The following B3GALT9 variants were observed in gnomAD, a reference collection of about 807,000 sequenced individuals.
B3GALT9 encodes UDP-GlcNAc:betaGal beta-1,3-N-acetylglucosaminyltransferase 10 (putative).
chr9:120,794,302 T>C (rs574627103), intron 1 of B3GALT9, among the ~76,000 whole-genome samples: 8 of 152,044 alleles, frequency 5.3e-5, no homozygotes, highest in Admixed American at 3.3e-4. Flanking sequence ...ATGGCTGTCA[T>C]AGGATTTCAA....
rs118094221 is a variant in B3GALT9, at chr9:120,795,353, G to A, written c.-181-1070G>A. On this transcript the variant is annotated intron_variant, in intron 1 of 2. Coordinates refer to ENST00000689072, the MANE Select transcript of B3GALT9 (RefSeq NM_001386823.1). ...AAAGTCCAGATGGAGCTGCCCCAGA[G>A]ATAATATTGTTTGGACCTCTCATAA... Among the ~76,000 whole-genome samples, 25 of 152,308 alleles carry A rather than the reference G, an allele frequency of 1.6e-4. No individual in the cohort carries two copies. The East Asian group carries it at 4.8e-3, about 29-fold the overall frequency.
At position 120,796,458 on chromosome 9, in the gene B3GALT9, T is replaced by G. The variant is rs1386100516; in HGVS notation, c.-146T>G. The G allele has an allele frequency of 1.3e-5, 2 of 152,216 alleles. No individual in the cohort carries two copies. Among genetic ancestry groups the G allele is most frequent in the African/African-American group, 2.4e-5 (1 of 41,452 alleles). The allele number at this position is 152,216 out of a possible 1,614,324, so 9.4% of individuals were successfully genotyped here. The stretch of plus-strand genomic sequence containing the variant: ...TTCTAGGATAAAAGCTCAGGTTGAT[T>G]GGCAAGAAACCTTATCCTCAAAAGT... On this transcript the variant is annotated 5_prime_UTR_variant, in exon 2 of 3. It adds an upstream start codon to the 5' untranslated region. Coordinates refer to ENST00000689072, the MANE Select transcript of B3GALT9 (RefSeq NM_001386823.1).
chr9:120,799,948 T>C lies in B3GALT9; in HGVS notation c.*270T>C. 1 of 174,370 alleles carries C rather than the reference T, an allele frequency of 5.7e-6. No homozygotes were observed. Among genetic ancestry groups the C allele is most frequent in the Non-Finnish European group, 9.6e-6 (1 of 103,728 alleles). 10.8% of individuals were successfully genotyped at this position (174,370 alleles called of 1,614,324 possible). A position where few individuals can be genotyped will look rare whatever the true frequency, so the allele number is the denominator to read the frequency against. On this transcript the variant is annotated 3_prime_UTR_variant, in exon 3 of 3. Transcript: ENST00000689072. ...TTATGTTTCATTGTTTATTTAGTTTTCGTTTTTTTTTTTTCTTTTGAGACA... is the reference window on the plus strand; with the variant it reads ...TTATGTTTCATTGTTTATTTAGTTTCCGTTTTTTTTTTTTCTTTTGAGACA...
Position 120,799,281 on chromosome 9 carries a change from AC to A in B3GALT9, c.716del (p.Pro239GlnfsTer10). On this transcript the variant is annotated frameshift_variant, in exon 3 of 3. Transcript: ENST00000689072. LOFTEE classifies it high-confidence loss of function. ...VPLSEYPEKY[Y>X]PDYCSGEAFI... ...CTTAGTGAGTACCCAGAAAAATACTACCCAGATTACTGCAGTGGTGAGGCCT... is the reference window on the plus strand; with the variant it reads ...CTTAGTGAGTACCCAGAAAAATACTACCAGATTACTGCAGTGGTGAGGCCT... The A allele has an allele frequency of 2.5e-6, 1 of 399,458 alleles. No individual in the cohort carries two copies. The highest frequency in any genetic ancestry group is 4.4e-6 in the Non-Finnish European group (1 of 226,168). The allele number at this position is 399,458 out of a possible 1,614,324, so 24.7% of individuals were successfully genotyped here.
chr9:120,797,454 C>G (rs983848089), intron 2 of B3GALT9, among the ~76,000 whole-genome samples: 2 of 150,802 alleles, frequency 1.3e-5, no homozygotes, highest in African/African-American at 2.4e-5. Context: ...TGCAGTGAGC[C>G]AAGATCGCAC....
rs1002471791 is a variant in B3GALT9 at position 120,793,853 on chromosome 9, G to A, written c.-251G>A. 3.3e-5 allele frequency: 13 copies of A among 389,584 alleles called. No homozygotes were observed. Among genetic ancestry groups the A allele is most frequent in the African/African-American group, 2.5e-4 (12 of 48,340 alleles). The allele number at this position is 389,584 out of a possible 1,614,324, so 24.1% of individuals were successfully genotyped here. A position where few individuals can be genotyped will look rare whatever the true frequency, so the allele number is the denominator to read the frequency against. ...AAACGCAAAAGCCCCTGACCGCCTG[G>A]GCCTTACATCTATTAGGAGGAGGAA... is the stretch of plus-strand genomic sequence containing the variant. On this transcript the variant is annotated 5_prime_UTR_variant, in exon 1 of 3. Coordinates refer to ENST00000689072, the MANE Select transcript of B3GALT9 (RefSeq NM_001386823.1).
chr9:120,797,125 G>GAGAGAAAGAA (rs370228371), intron 2 of B3GALT9, among the ~76,000 whole-genome samples: 1 of 151,692 alleles, frequency 6.6e-6, no homozygotes, highest in Admixed American at 6.6e-5. Flanking sequence ...CAGAGGGAAA[G>GAGAGAAAGAA]AGAGAAAGAA....
At position 120,796,602 on chromosome 9, in the gene B3GALT9, A is replaced by G. The variant is rs997587678; in HGVS notation, c.-2A>G. 1 of 152,340 alleles carries G rather than the reference A, an allele frequency of 6.6e-6. No individual in the cohort carries two copies. The highest frequency in any genetic ancestry group is 2.4e-5 in the African/African-American group (1 of 41,580). The allele number at this position is 152,340 out of a possible 1,614,324, so 9.4% of individuals were successfully genotyped here. A position where few individuals can be genotyped will look rare whatever the true frequency, so the allele number is the denominator to read the frequency against. Reference sequence around the variant, plus strand: ...AAGACCCTGAAGTTGCTCACAGGCAACATGCAAGTAAGTTTCTTACAATCT... The same window carrying G: ...AAGACCCTGAAGTTGCTCACAGGCAGCATGCAAGTAAGTTTCTTACAATCT... On this transcript the variant is annotated 5_prime_UTR_variant, in exon 2 of 3. Coordinates refer to ENST00000689072, the MANE Select transcript of B3GALT9 (RefSeq NM_001386823.1).
rs894042361 is a variant in B3GALT9 at position 120,800,754 on chromosome 9, A to G, written c.*1076A>G. ...ACACTTAAAATCTACTCTACTAACA[A>G]TTATCAGATATTGATATATTGCTGT... is the stretch of plus-strand genomic sequence containing the variant. On this transcript the variant is annotated 3_prime_UTR_variant, in exon 3 of 3. Transcript: ENST00000689072. Among the ~76,000 whole-genome samples the G allele has an allele frequency of 6.6e-6, 1 of 152,176 alleles. No homozygotes were observed. The highest frequency in any genetic ancestry group is 2.4e-5 in the African/African-American group (1 of 41,438).
chr9:120,794,778 G>A (rs13283946), intron 1 of B3GALT9, among the ~76,000 whole-genome samples: 1 of 152,186 alleles, frequency 6.6e-6, no homozygotes, highest in Non-Finnish European at 1.5e-5. Flanking sequence ...CTTTTTGCCA[G>A]TGATGGAGTT....
rs912207421 is a variant in B3GALT9, at chr9:120,799,302, A to T, written c.734A>T (p.Glu245Val). 1.8e-5 allele frequency: 7 copies of T among 399,450 alleles called. No homozygotes were observed. The highest frequency in any genetic ancestry group is 1.4e-4 in the African/African-American group (7 of 48,624). The allele number at this position is 399,450 out of a possible 1,614,324, so 24.7% of individuals were successfully genotyped here. A position where few individuals can be genotyped will look rare whatever the true frequency, so the allele number is the denominator to read the frequency against. ...TACTACCCAGATTACTGCAGTGGTG[A>T]GGCCTTTATAATGTCCCAAGATGTG... ...EKYYPDYCSG[E>V]AFIMSQDVAR... The change falls in exon 3 of 3, where the codon GAG (glutamate) becomes GTG (valine). Residue 245 changes from glutamate to valine, a missense_variant. Glu to Val is a moderately radical substitution (Grantham distance 121). Coordinates refer to ENST00000689072, the MANE Select transcript of B3GALT9 (RefSeq NM_001386823.1).
Position 120,800,934 on chromosome 9 carries a change from T to C in B3GALT9, c.*1256T>C, listed in dbSNP as rs2044966456. ...CTCTGTTTCTATGAATTTGAGTTTT[T>C]TTACACTCCACATATAAGTGAGCTC... On this transcript the variant is annotated 3_prime_UTR_variant, in exon 3 of 3. Coordinates refer to ENST00000689072, the MANE Select transcript of B3GALT9 (RefSeq NM_001386823.1). Among the ~76,000 whole-genome samples, 1 of 152,234 alleles carries C rather than the reference T, an allele frequency of 6.6e-6. No homozygotes were observed. The highest frequency in any genetic ancestry group is 2.1e-4 in the South Asian group (1 of 4,832).
chr9:120,798,550 G>T, intron 2 of B3GALT9, 25 bp from the exon 3 acceptor site: 2 of 399,600 alleles, frequency 5.0e-6, no homozygotes, highest in South Asian at 2.6e-4. Flanking sequence ...AAGCCTGAAT[G>T]AACACGTGTC....
Position 120,793,842 on chromosome 9 carries a change from C to A in B3GALT9, c.-262C>A, listed in dbSNP as rs752345467. The A allele has an allele frequency of 2.0e-5, 8 of 391,158 alleles. No homozygotes were observed. The highest frequency in any genetic ancestry group is 3.2e-5 in the Non-Finnish European group (7 of 222,018). 24.2% of individuals were successfully genotyped at this position (391,158 alleles called of 1,614,324 possible). ...TAGTGAACAAAAAACGCAAAAGCCCCTGACCGCCTGGGCCTTACATCTATT... is the reference window on the plus strand; with the variant it reads ...TAGTGAACAAAAAACGCAAAAGCCCATGACCGCCTGGGCCTTACATCTATT... On this transcript the variant is annotated 5_prime_UTR_variant, in exon 1 of 3. The change creates a new upstream start codon in the 5' untranslated region. Coordinates refer to ENST00000689072, the MANE Select transcript of B3GALT9 (RefSeq NM_001386823.1).
intron 2 of B3GALT9, among the ~76,000 whole-genome samples, chr9:120,797,709 G>A (rs760523077): frequency 1.6e-4 from 24 of 152,192 alleles, no homozygotes; most frequent in Admixed American, 2.6e-4. Flanking sequence ...AGTGCTTATC[G>A]CAATGCCTGG....
chr9:120,799,765 A>G lies in B3GALT9; in HGVS notation c.*87A>G, dbSNP rs1029539548. On this transcript the variant is annotated 3_prime_UTR_variant, in exon 3 of 3. Coordinates refer to ENST00000689072, the MANE Select transcript of B3GALT9 (RefSeq NM_001386823.1). ...AAGCATCCCTTCTTTCCCATGTTTT[A>G]TGTAGGTTCTCTGAATCTTTAATTT... 1.8e-5 allele frequency: 7 copies of G among 397,396 alleles called. No individual in the cohort carries two copies. The highest frequency in any genetic ancestry group is 2.7e-5 in the Non-Finnish European group (6 of 225,896). The allele number at this position is 397,396 out of a possible 1,614,324, so 24.6% of individuals were successfully genotyped here.
At chr9:120,794,342 CTTT>C (rs113250464) in intron 1 of B3GALT9, among the ~76,000 whole-genome samples, 4 of 144,978 alleles carry the variant, frequency 2.8e-5, no homozygotes, top group African/African-American at 1.0e-4. Flanking sequence ...ACAAGTTATC[CTTT>C]TTTTTTTTTT....
intron 2 of B3GALT9, among the ~76,000 whole-genome samples, chr9:120,797,707 T>C (rs571137819): frequency 6.6e-6 from 1 of 152,334 alleles, no homozygotes; most frequent in South Asian, 2.1e-4. Flanking sequence ...AAAGTGCTTA[T>C]CGCAATGCCT....
In B3GALT9 at chr9:120,801,540, A is replaced by G. The variant is rs866760146; in HGVS notation, c.*1862A>G. On this transcript the variant is annotated 3_prime_UTR_variant, in exon 3 of 3. Coordinates refer to ENST00000689072, the MANE Select transcript of B3GALT9 (RefSeq NM_001386823.1). Reference sequence around the variant, plus strand: ...GGGTCACCTGAGATGGGAATTCAAGAGCAGCCTGGCCAACAGGGTGAAACC... The same window carrying G: ...GGGTCACCTGAGATGGGAATTCAAGGGCAGCCTGGCCAACAGGGTGAAACC... Among the ~76,000 whole-genome samples, 3 of 152,136 alleles carry G rather than the reference A, an allele frequency of 2.0e-5. No individual in the cohort carries two copies. Among genetic ancestry groups the G allele is most frequent in the Non-Finnish European group, 4.4e-5 (3 of 68,026 alleles).
Sources: allele counts gnomAD v4.1 joint callset (sites outside exome capture counted in the v4.1 genomes callset), GRCh38; gene constraint gnomAD v4.1.1; transcripts MANE v1.5; gene names NCBI Gene and HGNC (gene_info 2026-07-23, HGNC 2026-07-21).